The following GPHN variants were observed in gnomAD, a reference collection of about 807,000 sequenced individuals.
GPHN encodes the protein gephyrin.
GPHN carries 17 observed loss-of-function variants against 95.5 expected under a neutral mutation model. The ratio of observed to expected loss-of-function variants is 0.18; its 90% CI spans 0.12 to 0.27. The LOEUF (loss-of-function observed/expected upper bound fraction) is 0.27, where lower values mean the gene tolerates loss of function less well. GPHN is among the 10% of genes least tolerant of loss of function. The pLI is 1.00. For synonymous variants in GPHN, 320 were observed against 322.5 expected (o/e 0.99, Z 0.08); for missense variants, 660 against 978.1 (o/e 0.67, Z 4.34).
the GPHN span, among the ~76,000 whole-genome samples, chr14:67,220,971 CTATT>C: frequency 6.6e-6 from 1 of 152,082 alleles, no homozygotes; most frequent in African/African-American, 2.4e-5. Context: ...TCTTCCTAAA[CTATT>C]TGTTTTATTC....
the GPHN span, among the ~76,000 whole-genome samples, chr14:67,412,601 C>A: frequency 6.6e-6 from 1 of 152,070 alleles, no homozygotes. Flanking sequence ...AGTTTTAAGG[C>A]GGCAGGCACA....
the GPHN span, among the ~76,000 whole-genome samples, chr14:67,542,920 G>A: frequency 2.0e-5 from 3 of 152,000 alleles, no homozygotes; most frequent in African/African-American, 4.8e-5. Flanking sequence ...GGCTGGTCTC[G>A]AACTCCCAAC....
At chr14:67,341,256 C>T in the GPHN span, among the ~76,000 whole-genome samples, 1 of 150,554 alleles carries the variant, frequency 6.6e-6, no homozygotes, top group South Asian at 2.1e-4. Context: ...CGCCCATCGT[C>T]TGAGATGTGG....
At chr14:67,580,865 A>G in the GPHN span, 3 of 972,986 alleles carry the variant, frequency 3.1e-6, no homozygotes, top group East Asian at 7.2e-5. Flanking sequence ...CTCTGAGTCC[A>G]GCCCTGGCTG....
At chr14:66,881,374 A>G (rs963000423) in intron 5 of GPHN, among the ~76,000 whole-genome samples, 2 of 151,782 alleles carry the variant, frequency 1.3e-5, no homozygotes, top group African/African-American at 2.4e-5. Flanking sequence ...CGTTTTTCCT[A>G]TGGAATTAAG....
chr14:67,210,393 C>A, the GPHN span, among the ~76,000 whole-genome samples: 1 of 151,988 alleles, frequency 6.6e-6, no homozygotes, highest in South Asian at 2.1e-4. Flanking sequence ...TGAAACCCAC[C>A]TGGACAACAT....
At chr14:67,722,476 T>C in the GPHN span, 8 of 740,846 alleles carry the variant, frequency 1.1e-5, no homozygotes, top group South Asian at 1.1e-4. Flanking sequence ...TTAAATAGGA[T>C]TCTGGGCTCT....
chr14:66,725,224 C>A (rs2071112366), intron 2 of GPHN, among the ~76,000 whole-genome samples: 1 of 152,134 alleles, frequency 6.6e-6, no homozygotes, highest in Admixed American at 6.5e-5. Context: ...TGTAATCCAC[C>A]CAGTGTATGT....
At chr14:67,139,725 C>T (rs2080336012) in intron 17 of GPHN, among the ~76,000 whole-genome samples, 1 of 152,086 alleles carries the variant, frequency 6.6e-6, no homozygotes, top group Admixed American at 6.5e-5. Flanking sequence ...TATGTTGGTA[C>T]CTGTCTCTCT....
At chr14:67,672,471 A>C in the GPHN span, among the ~76,000 whole-genome samples, 1 of 115,636 alleles carries the variant, frequency 8.6e-6, no homozygotes, top group Admixed American at 1.0e-4. Flanking sequence ...TTTGATACAG[A>C]GTCTTGATCT....
intron 1 of GPHN, among the ~76,000 whole-genome samples, chr14:66,615,778 T>C (rs971710668): frequency 6.6e-6 from 1 of 152,104 alleles, no homozygotes; most frequent in African/African-American, 2.4e-5. Context: ...ATTTTCATCA[T>C]GAAGTCTTTG....
the GPHN span, among the ~76,000 whole-genome samples, chr14:67,256,579 G>A: frequency 9.0e-4 from 137 of 151,398 alleles, 1 homozygote; most frequent in South Asian, 3.8e-3. Context: ...ATGGAGTCTC[G>A]CTCTGTTGCC....
At chr14:67,665,146 C>A in the GPHN span, among the ~76,000 whole-genome samples, 1 of 152,210 alleles carries the variant, frequency 6.6e-6, no homozygotes, top group Non-Finnish European at 1.5e-5. Flanking sequence ...AGCTAGTGCA[C>A]CCGGCCAAGC....
the GPHN span, chr14:67,573,329 G>C: frequency 1.9e-6 from 3 of 1,613,800 alleles, no homozygotes; most frequent in Non-Finnish European, 2.5e-6. This position sits in a 1 kb window ranked among gnomAD's most constrained non-coding sequence, Gnocchi z 4.8. Flanking sequence ...AGGTGAAGAC[G>C]TGGAAGAGGC....
At chr14:66,672,218 T>A (rs1413432869) in intron 1 of GPHN, among the ~76,000 whole-genome samples, 1 of 152,168 alleles carries the variant, frequency 6.6e-6, no homozygotes, top group East Asian at 1.9e-4. Flanking sequence ...AAGTGTTTTG[T>A]TTAATCTATA....
At chr14:67,594,781 T>C in the GPHN span, among the ~76,000 whole-genome samples, 2 of 152,140 alleles carry the variant, frequency 1.3e-5, no homozygotes. Flanking sequence ...AAATAAAAAA[T>C]TAAAATTAAA....
chr14:66,818,330 C>A (rs1049194353), intron 3 of GPHN, among the ~76,000 whole-genome samples: 9 of 152,132 alleles, frequency 5.9e-5, no homozygotes, highest in Admixed American at 2.0e-4. Context: ...TTAGCTTCCA[C>A]TTCTTAGTCA....
chr14:66,826,064 T>G (rs984403983), intron 4 of GPHN, among the ~76,000 whole-genome samples: 1 of 152,224 alleles, frequency 6.6e-6, no homozygotes, highest in African/African-American at 2.4e-5. Flanking sequence ...ATTTTTTGTG[T>G]GATGGTTTGA....
At chr14:66,648,380 C>G (rs2064866029) in intron 1 of GPHN, among the ~76,000 whole-genome samples, 2 of 152,176 alleles carry the variant, frequency 1.3e-5, no homozygotes, top group South Asian at 2.1e-4. Flanking sequence ...TATATAAGGT[C>G]TTTGTGCTGC....
Sources: gnomAD v4.1 joint callset for allele counts (sites outside exome capture counted in the v4.1 genomes callset) on GRCh38, gnomAD v4.1.1 for gene constraint, Gnocchi (gnomAD v3.1) non-coding constraint, MANE v1.5 for transcripts, NCBI Gene and HGNC (gene_info 2026-07-23, HGNC 2026-07-21) for gene names.